The following ZFPM2 variants were observed in gnomAD, a reference collection of about 807,000 sequenced individuals.
ZFPM2 encodes the protein zinc finger protein, FOG family member 2.
Under a neutral mutation model 98.6 loss-of-function variants are expected in ZFPM2, and 20 were observed. That is an observed-to-expected ratio of 0.20 (90% CI 0.14 to 0.29). The LOEUF (loss-of-function observed/expected upper bound fraction) is 0.29. Ranked by LOEUF, ZFPM2 falls within the 10% of genes least tolerant of loss-of-function variation. The pLI is 1.00. For synonymous variants in ZFPM2, 518 were observed against 502.7 expected, an observed-to-expected ratio of 1.03 and a Z score of -0.41; for missense variants, 1,310 against 1,388.6, an observed-to-expected ratio of 0.94 and a Z score of 0.90.
chr8:105,580,805 C>G (rs561299735), intron 4 of ZFPM2, among the ~76,000 whole-genome samples: 1 of 93,262 alleles, frequency 1.1e-5, no homozygotes, highest in South Asian at 3.8e-4. Context: ...ATCATTCTCT[C>G]TCTCTCTCTC....
At chr8:105,501,080 A>G (rs961955342) in intron 3 of ZFPM2, among the ~76,000 whole-genome samples, 3 of 152,184 alleles carry the variant, frequency 2.0e-5, no homozygotes, top group African/African-American at 7.2e-5. Flanking sequence ...AACAGTTCCA[A>G]TTTGTAGTGC....
intron 1 of ZFPM2, among the ~76,000 whole-genome samples, chr8:105,391,822 C>G (rs781652094): frequency 2.0e-5 from 3 of 152,194 alleles, no homozygotes; most frequent in Non-Finnish European, 2.9e-5. Context: ...AAGTCTTGAA[C>G]TCCTCTAAGT....
At chr8:105,447,658 A>T (rs1226362361) in intron 3 of ZFPM2, among the ~76,000 whole-genome samples, 9 of 152,120 alleles carry the variant, frequency 5.9e-5, no homozygotes. Context: ...CCTAAGAGAG[A>T]TGATTTTCTC....
chr8:105,428,762 T>A (rs549677223), intron 2 of ZFPM2, among the ~76,000 whole-genome samples: 55 of 152,304 alleles, frequency 3.6e-4, no homozygotes, highest in African/African-American at 1.3e-3. Flanking sequence ...GGGCATTGTT[T>A]GCAGGGAAAG....
At chr8:105,791,628 T>C (rs1813615015) in intron 6 of ZFPM2, among the ~76,000 whole-genome samples, 1 of 152,218 alleles carries the variant, frequency 6.6e-6, no homozygotes, top group African/African-American at 2.4e-5. Context: ...GAGGATTCTT[T>C]CTTTTTCTAT....
At chr8:105,634,392 G>A in intron 5 of ZFPM2, 35 bp downstream of exon 5, 2 of 1,543,870 alleles carry the variant, frequency 1.3e-6, no homozygotes, top group Non-Finnish European at 1.8e-6. Context: ...CTCTTTGGAA[G>A]TATTAAAACC....
intron 3 of ZFPM2, among the ~76,000 whole-genome samples, chr8:105,456,804 C>A (rs1340853738): frequency 1.3e-5 from 2 of 152,050 alleles, no homozygotes; most frequent in African/African-American, 4.8e-5. Context: ...TCCTGAATGG[C>A]GGGGACTACA....
At chr8:105,656,168 CACAT>C (rs1325455538) in intron 5 of ZFPM2, among the ~76,000 whole-genome samples, 2 of 152,124 alleles carry the variant, frequency 1.3e-5, no homozygotes, top group Non-Finnish European at 2.9e-5. Flanking sequence ...CACACACACA[CACAT>C]ACACATATCC....
At position 105,444,824 on chromosome 8, in the gene ZFPM2, G is replaced by A. The variant is rs181846850; in HGVS notation, c.301+443G>A. Among the ~76,000 whole-genome samples, 380 of 152,096 alleles carry A rather than the reference G, an allele frequency of 2.5e-3. 1 individual carries two copies. Among genetic ancestry groups the A allele is most frequent in the Non-Finnish European group, 4.3e-3 (291 of 67,976 alleles). On this transcript the variant is annotated intron_variant, in intron 3 of 7. Coordinates refer to ENST00000407775, the MANE Select transcript of ZFPM2 (RefSeq NM_012082.4). ...AAAATATCAAAAGATGCCCCCTTTTGATTTAAGGTTTGAGTAACATTTTCA... is the reference window on the plus strand; with the variant it reads ...AAAATATCAAAAGATGCCCCCTTTTAATTTAAGGTTTGAGTAACATTTTCA...
chr8:105,777,269 T>C (rs182562064), intron 5 of ZFPM2, among the ~76,000 whole-genome samples: 24 of 152,350 alleles, frequency 1.6e-4, no homozygotes, highest in African/African-American at 5.3e-4. Context: ...AAAGCCTTGA[T>C]ATCTTAAATT....
At chr8:105,431,254 G>A (rs1201187836) in intron 2 of ZFPM2, among the ~76,000 whole-genome samples, 2 of 152,024 alleles carry the variant, frequency 1.3e-5, no homozygotes, top group African/African-American at 2.4e-5. Flanking sequence ...AGAAGCCTCT[G>A]GTTTGTTGTC....
chr8:105,531,897 A>ATTTCT (rs1316221904), intron 3 of ZFPM2, among the ~76,000 whole-genome samples: 1 of 151,936 alleles, frequency 6.6e-6, no homozygotes, highest in Non-Finnish European at 1.5e-5. Context: ...TCCTGTTGAT[A>ATTTCT]TTTCTTTTCT....
chr8:105,732,324 C>T (rs1405909266), intron 5 of ZFPM2, among the ~76,000 whole-genome samples: 1 of 151,788 alleles, frequency 6.6e-6, no homozygotes. Flanking sequence ...CACCTTGGAG[C>T]CTCATCTCCG....
chr8:105,757,848 A>G (rs1291519759), intron 5 of ZFPM2, among the ~76,000 whole-genome samples: 1 of 152,096 alleles, frequency 6.6e-6, no homozygotes, highest in African/African-American at 2.4e-5. Flanking sequence ...AGAACTGTTA[A>G]TTAGCCTGGG....
chr8:105,791,999 TGCTA>T (rs1295204349), intron 6 of ZFPM2, among the ~76,000 whole-genome samples: 1 of 152,174 alleles, frequency 6.6e-6, no homozygotes, highest in Non-Finnish European at 1.5e-5. Flanking sequence ...TTATTAGTCT[TGCTA>T]GCGGTCTATC....
chr8:105,596,839 C>A (rs1815981574), intron 4 of ZFPM2, among the ~76,000 whole-genome samples: 1 of 144,018 alleles, frequency 6.9e-6, no homozygotes, highest in South Asian at 2.4e-4. Flanking sequence ...TCTAAAACTT[C>A]AATTAAGCAA....
chr8:105,394,539 G>T (rs1431636560), intron 1 of ZFPM2, among the ~76,000 whole-genome samples: 1 of 152,168 alleles, frequency 6.6e-6, no homozygotes, highest in African/African-American at 2.4e-5. Context: ...TTCATATTCT[G>T]GGAGAGCTGA....
intron 4 of ZFPM2, among the ~76,000 whole-genome samples, chr8:105,620,059 G>A (rs189807072): frequency 0.012 from 1,838 of 152,238 alleles, 31 homozygotes; most frequent in African/African-American, 0.042. Flanking sequence ...TAATGGGATG[G>A]CTGGGTCAAA....
At chr8:105,394,977 T>C (rs1160689276) in intron 1 of ZFPM2, among the ~76,000 whole-genome samples, 3 of 152,192 alleles carry the variant, frequency 2.0e-5, no homozygotes, top group African/African-American at 4.8e-5. Context: ...CTTTTCCCAA[T>C]GTGGCTTCTG....
Sources: allele counts gnomAD v4.1 joint callset (sites outside exome capture counted in the v4.1 genomes callset), GRCh38; gene constraint gnomAD v4.1.1; transcripts MANE v1.5; gene names NCBI Gene and HGNC (gene_info 2026-07-23, HGNC 2026-07-21).